Variants in BRINP3 observed in about 807,000 individuals in gnomAD.
BRINP3 encodes the protein BMP/retinoic acid inducible neural specific 3, also known as BMP/retinoic acid-inducible neural-specific protein 3.
BRINP3 carries 19 observed loss-of-function variants against 71.0 expected under a neutral mutation model. The observed-to-expected ratio is 0.27, with a 90% CI of 0.19 to 0.39. The LOEUF is 0.39. BRINP3 is among the 10% of genes least tolerant of loss of function. The pLI is 1.00. For synonymous variants in BRINP3, 380 were observed against 337.7 expected, an observed-to-expected ratio of 1.13 and a Z score of -1.37; for missense variants, 959 against 940.8, an observed-to-expected ratio of 1.02 and a Z score of -0.25.
chr1:190,467,537 A>G (rs1255352825), intron 1 of BRINP3, among the ~76,000 whole-genome samples: 1 of 151,500 alleles, frequency 6.6e-6, no homozygotes, highest in Non-Finnish European at 1.5e-5. Context: ...ACCTTAGCAC[A>G]ACTTACCCAG....
intron 2 of BRINP3, among the ~76,000 whole-genome samples, chr1:190,417,861 A>C (rs1015768649): frequency 6.6e-6 from 1 of 152,220 alleles, no homozygotes; most frequent in Non-Finnish European, 1.5e-5. Flanking sequence ...AATAACTTAC[A>C]AAAATAGTTG....
chr1:190,168,038 C>T (rs1283724644), intron 6 of BRINP3, among the ~76,000 whole-genome samples: 1 of 152,034 alleles, frequency 6.6e-6, no homozygotes, highest in Non-Finnish European at 1.5e-5. Context: ...TGTACTGAGG[C>T]CCAGTAGCAA....
intron 7 of BRINP3, among the ~76,000 whole-genome samples, chr1:190,147,184 T>C (rs1227704825): frequency 6.6e-6 from 1 of 152,120 alleles, no homozygotes; most frequent in Admixed American, 6.5e-5. Flanking sequence ...TAAATATGCA[T>C]GCCATCCACA....
At chr1:190,273,292 A>AT (rs1662274324) in intron 3 of BRINP3, among the ~76,000 whole-genome samples, 1 of 151,448 alleles carries the variant, frequency 6.6e-6, no homozygotes, top group Non-Finnish European at 1.5e-5. Context: ...ATTTTTGTTC[A>AT]TTTTTTTAAA....
intron 2 of BRINP3, among the ~76,000 whole-genome samples, chr1:190,451,114 G>A (rs1381363914): frequency 1.3e-5 from 2 of 151,694 alleles, no homozygotes; most frequent in Admixed American, 6.6e-5. Flanking sequence ...AAAATTATAA[G>A]AAAATCAACA....
chr1:190,443,807 C>A (rs1170858208), intron 2 of BRINP3, among the ~76,000 whole-genome samples: 2 of 152,204 alleles, frequency 1.3e-5, no homozygotes, highest in Admixed American at 6.5e-5. Context: ...AACTTACCTA[C>A]CCTGGCCAAT....
At chr1:190,468,436 T>C (rs1313589830) in intron 1 of BRINP3, among the ~76,000 whole-genome samples, 1 of 151,264 alleles carries the variant, frequency 6.6e-6, no homozygotes, top group Non-Finnish European at 1.5e-5. Flanking sequence ...TATCTTACAA[T>C]TGTAATTTGT....
intron 7 of BRINP3, among the ~76,000 whole-genome samples, chr1:190,124,552 A>C (rs1349841765): frequency 6.6e-6 from 1 of 152,138 alleles, no homozygotes; most frequent in Non-Finnish European, 1.5e-5. Context: ...TAATAAAAAT[A>C]ACAACAGTGA....
chr1:190,281,154 A>G (rs1304660237), intron 3 of BRINP3, among the ~76,000 whole-genome samples: 2 of 151,956 alleles, frequency 1.3e-5, no homozygotes, highest in Non-Finnish European at 2.9e-5. Flanking sequence ...AGAAACACTA[A>G]AATGGTGCTA....
At chr1:190,297,779 C>CATGT (rs112706025) in intron 2 of BRINP3, among the ~76,000 whole-genome samples, 2 of 146,630 alleles carry the variant, frequency 1.4e-5, no homozygotes, top group African/African-American at 2.5e-5. Context: ...TCTGTTTTCT[C>CATGT]GTGTGTGTGT....
At chr1:190,319,139 C>A (rs1666073641) in intron 2 of BRINP3, among the ~76,000 whole-genome samples, 1 of 152,236 alleles carries the variant, frequency 6.6e-6, no homozygotes, top group East Asian at 1.9e-4. Context: ...ATATTCCTTA[C>A]ATGTGCCTGA....
At chr1:190,309,897 A>T (rs1245890120) in intron 2 of BRINP3, among the ~76,000 whole-genome samples, 1 of 151,738 alleles carries the variant, frequency 6.6e-6, no homozygotes, top group Non-Finnish European at 1.5e-5. Context: ...GAAATCCCTA[A>T]AATTAATCTA....
At chr1:190,199,373 T>C (rs1170687454) in intron 6 of BRINP3, among the ~76,000 whole-genome samples, 4 of 152,090 alleles carry the variant, frequency 2.6e-5, no homozygotes, top group Non-Finnish European at 5.9e-5. Context: ...ATGAATTTGA[T>C]AATAATTCTG....
At chr1:190,218,408 T>C (rs1656591326) in intron 6 of BRINP3, among the ~76,000 whole-genome samples, 1 of 152,114 alleles carries the variant, frequency 6.6e-6, no homozygotes, top group Non-Finnish European at 1.5e-5. Flanking sequence ...AAATATACCA[T>C]GATTTTAAAA....
chr1:190,370,785 C>G (rs1669812292), intron 2 of BRINP3, among the ~76,000 whole-genome samples: 2 of 152,174 alleles, frequency 1.3e-5, no homozygotes, highest in South Asian at 4.1e-4. Flanking sequence ...GTTCACTTTT[C>G]TCTACATTCT....
chr1:190,291,711 G>A (rs1232916342), intron 2 of BRINP3, among the ~76,000 whole-genome samples: 2 of 152,150 alleles, frequency 1.3e-5, no homozygotes, highest in African/African-American at 2.4e-5. Context: ...TGGTGAGAAC[G>A]TAAATTGAAA....
chr1:190,207,331 T>C (rs1158802385), intron 6 of BRINP3, among the ~76,000 whole-genome samples: 1 of 152,136 alleles, frequency 6.6e-6, no homozygotes, highest in African/African-American at 2.4e-5. Context: ...TCAACCTTTC[T>C]AGCCTGATGC....
At chr1:190,148,032 G>A (rs958299023) in intron 7 of BRINP3, among the ~76,000 whole-genome samples, 3 of 152,062 alleles carry the variant, frequency 2.0e-5, no homozygotes, top group South Asian at 2.1e-4. Flanking sequence ...TTTAAAATAC[G>A]TCAAATATTT....
intron 2 of BRINP3, among the ~76,000 whole-genome samples, chr1:190,319,774 C>T (rs1666115942): frequency 6.6e-6 from 1 of 152,052 alleles, no homozygotes; most frequent in South Asian, 2.1e-4. Flanking sequence ...GATCCAATCA[C>T]CTCCCAGCAG....
Sources: gnomAD v4.1 joint callset for allele counts (sites outside exome capture counted in the v4.1 genomes callset) on GRCh38, gnomAD v4.1.1 for gene constraint, MANE v1.5 for transcripts, NCBI Gene and HGNC (gene_info 2026-07-23, HGNC 2026-07-21) for gene names.